Variants in PHLDB3 observed in about 807,000 individuals in gnomAD.
The protein encoded by PHLDB3 is pleckstrin homology-like domain family B member 3.
PHLDB3 carries 86 observed loss-of-function variants against 85.7 expected under a neutral mutation model. The observed-to-expected ratio is 1.00, with a 90% confidence interval of 0.84 to 1.20. The LOEUF is 1.20. Ranked by LOEUF, PHLDB3 falls within the 50% of genes most tolerant of loss-of-function variation. The probability of loss-of-function intolerance (pLI) is 0.00; values close to 1 mark genes in which losing one functional copy is unlikely to be tolerated. For synonymous variants in PHLDB3, 376 were observed against 349.8 expected (o/e 1.07, Z -0.83); for missense variants, 995 against 873.0 (o/e 1.14, Z -1.76).
chr19:43,475,851 A>C (rs1337308344), intron 15 of PHLDB3, among the ~76,000 whole-genome samples: 1 of 151,872 alleles, frequency 6.6e-6, no homozygotes, highest in Non-Finnish European at 1.5e-5. Flanking sequence ...GCTGGAGTGC[A>C]GTGGCGCAAT....
In PHLDB3 at chr19:43,475,381, G is replaced by GGGAC; in HGVS notation, c.*25_*28dup. 1.2e-6 allele frequency: 2 copies of GGGAC among 1,608,808 alleles called. No individual in the cohort carries two copies. The highest frequency in any genetic ancestry group is 2.2e-5 in the South Asian group (2 of 90,890). ...CGCCCCGCGCCGGCGGAGCCTCGAAGGGACTTCCCCCCAAGAGGGCGGGGC... is the reference window on the plus strand; with the variant it reads ...CGCCCCGCGCCGGCGGAGCCTCGAAGGGACGGACTTCCCCCCAAGAGGGCGGGGC... On this transcript the variant is annotated 3_prime_UTR_variant, in exon 16 of 16. Coordinates refer to ENST00000292140, the MANE Select transcript of PHLDB3 (RefSeq NM_198850.4).
chr19:43,487,764 G>A (rs965734364), intron 9 of PHLDB3, among the ~76,000 whole-genome samples: 3 of 151,976 alleles, frequency 2.0e-5, no homozygotes, highest in East Asian at 1.9e-4. Flanking sequence ...TAATGTTTGC[G>A]CAACGTTGAA....
chr19:43,481,262 A>AC (rs1193908773), intron 13 of PHLDB3, among the ~76,000 whole-genome samples: 3 of 152,138 alleles, frequency 2.0e-5, no homozygotes, highest in Non-Finnish European at 2.9e-5. Flanking sequence ...GGGGAGGATC[A>AC]CTTAAACCCA....
At chr19:43,482,959 T>G (rs894251438) in intron 13 of PHLDB3, among the ~76,000 whole-genome samples, 37 of 152,214 alleles carry the variant, frequency 2.4e-4, no homozygotes, top group Admixed American at 1.3e-4. Flanking sequence ...ATTTTACATA[T>G]TGATGTTGCT....
intron 9 of PHLDB3, among the ~76,000 whole-genome samples, chr19:43,490,416 C>G (rs1309008929): frequency 6.6e-6 from 1 of 151,690 alleles, no homozygotes; most frequent in Non-Finnish European, 1.5e-5. Context: ...CAAAAATTAG[C>G]CTGGCGCATG....
At chr19:43,476,658 A>G (rs1418026845) in intron 15 of PHLDB3, among the ~76,000 whole-genome samples, 2 of 152,060 alleles carry the variant, frequency 1.3e-5, no homozygotes, top group African/African-American at 4.8e-5. Context: ...GCAAGAAAAA[A>G]AAAAAGAAAA....
rs1248570317 is a variant in PHLDB3, at chr19:43,500,909, A to ACCCCCCCCCCCCCCCCCCCCC, written c.534+824_534+825insGGGGGGGGGGGGGGGGGGGGG. On this transcript the variant is annotated intron_variant, in intron 4 of 15. Transcript: ENST00000292140. ...CCTCCCACTTTGCCCCGCCCCCCGT[A>ACCCCCCCCCCCCCCCCCCCCC]CCCCCCCCCCACCCCGCAAGTACTG... Among the ~76,000 whole-genome samples the ACCCCCCCCCCCCCCCCCCCCC allele has an allele frequency of 7.6e-4, 13 of 17,150 alleles. 1 individual carries two copies. Among genetic ancestry groups the ACCCCCCCCCCCCCCCCCCCCC allele is most frequent in the Admixed American group, 1.2e-3 (2 of 1,632 alleles). The allele number at this position is 17,150 out of a possible 152,430, so 11.3% of individuals were successfully genotyped here. A position where few individuals can be genotyped will look rare whatever the true frequency, so the allele number is the denominator to read the frequency against.
Position 43,475,378 on chromosome 19 carries a change from GA to G in PHLDB3, c.*31del, listed in dbSNP as rs761295443. ...CCGCGCCCCGCGCCGGCGGAGCCTCGAAGGGACTTCCCCCCAAGAGGGCGGG... is the reference window on the plus strand; with the variant it reads ...CCGCGCCCCGCGCCGGCGGAGCCTCGAGGGACTTCCCCCCAAGAGGGCGGG... On this transcript the variant is annotated 3_prime_UTR_variant, in exon 16 of 16. Transcript: ENST00000292140. The G allele has an allele frequency of 6.2e-7, 1 of 1,606,002 alleles. No homozygotes were observed. Among genetic ancestry groups the G allele is most frequent in the South Asian group, 1.1e-5 (1 of 90,620 alleles).
At chr19:43,501,697 G>C (rs1217583899) in intron 4 of PHLDB3, 37 bp downstream of exon 4, 1 of 1,572,280 alleles carries the variant, frequency 6.4e-7, no homozygotes, top group African/African-American at 1.3e-5. Context: ...GGACCAGGAA[G>C]GACACTGCTG....
At position 43,495,415 on chromosome 19, in the gene PHLDB3, C is replaced by T. The variant is rs1264375698; in HGVS notation, c.952-76G>A. On this transcript the variant is annotated intron_variant, in intron 7 of 15. Transcript: ENST00000292140. ...AGCTGCTTTCCCTAATGTCAGGAGA[C>T]ATCTGGGGTGCAGGGAGGTGGTGGG... The T allele has an allele frequency of 3.1e-6, 5 of 1,598,960 alleles. No individual in the cohort carries two copies. The Admixed American group carries it at 7.0e-5, about 22-fold the overall frequency.
chr19:43,496,951 A>G, intron 6 of PHLDB3, 167 bp downstream of exon 6: 1 of 1,020,704 alleles, frequency 9.8e-7, no homozygotes, highest in African/African-American at 1.7e-5. Flanking sequence ...TGAAATATTC[A>G]GGACCATATC....
At chr19:43,497,996 G>A in intron 4 of PHLDB3, 120 bp from the exon 5 acceptor site, 1 of 1,410,486 alleles carries the variant, frequency 7.1e-7, no homozygotes, top group African/African-American at 1.4e-5. Context: ...TCATCTATGT[G>A]ATTCACTCCT....
Position 43,487,055 on chromosome 19 carries a change from T to A in PHLDB3, c.1218A>T (p.Gly406=). The part of the protein sequence containing the change: ...RKRGERGSQR[G]SPRPLSFHCT... Reference sequence around the variant, plus strand: ...AATGGAAGGACAGAGGTCGGGGGGATCCTCTCTGGCTCCCCCTCTCCCCCC... The same window carrying A: ...AATGGAAGGACAGAGGTCGGGGGGAACCTCTCTGGCTCCCCCTCTCCCCCC... Residue 406 remains glycine, a synonymous_variant, in exon 10 of 16, where the codon GGA becomes GGT. Coordinates refer to ENST00000292140, the MANE Select transcript of PHLDB3 (RefSeq NM_198850.4). 1 of 1,576,800 alleles carries A rather than the reference T, an allele frequency of 6.3e-7. No homozygotes were observed. Among genetic ancestry groups the A allele is most frequent in the African/African-American group, 1.4e-5 (1 of 74,030 alleles).
In PHLDB3 at chr19:43,502,225, C is replaced by A; in HGVS notation, c.272G>T (p.Arg91Leu). The stretch of plus-strand genomic sequence containing the variant: ...CCGCGCCGCCCCTCGCACCCCTTCC[C>A]GCGAAGAGGTGGATGCGGGAGGTGT... ...AATPPASTSSREGVRGAARRL... is the reference protein window; with the variant it reads ...AATPPASTSSLEGVRGAARRL... Residue 91 changes from arginine to leucine, a missense_variant, in exon 3 of 16, where the codon CGG becomes CTG. Arg to Leu is a moderately radical substitution (Grantham distance 102). Transcript: ENST00000292140. 6.4e-7 allele frequency: 1 copy of A among 1,563,856 alleles called. No individual in the cohort carries two copies. The highest frequency in any genetic ancestry group is 8.7e-7 in the Non-Finnish European group (1 of 1,155,392).
At chr19:43,495,794 G>C in intron 6 of PHLDB3, 174 bp from the exon 7 acceptor site, 3 of 861,582 alleles carry the variant, frequency 3.5e-6, no homozygotes, top group Non-Finnish European at 5.2e-6. Context: ...CTTCCCTTTT[G>C]AGGGTCCAGA....
At chr19:43,478,468 T>C (rs1053562883) in intron 14 of PHLDB3, among the ~76,000 whole-genome samples, 1 of 152,086 alleles carries the variant, frequency 6.6e-6, no homozygotes, top group African/African-American at 2.4e-5. Flanking sequence ...GAGGGGTAAG[T>C]ACATTTATCT....
At chr19:43,491,084 C>G (rs1209899431) in intron 9 of PHLDB3, among the ~76,000 whole-genome samples, 1 of 152,094 alleles carries the variant, frequency 6.6e-6, no homozygotes, top group Non-Finnish European at 1.5e-5. Flanking sequence ...GCACAGGGGC[C>G]AACAAGTCAG....
At chr19:43,497,694 G>C (rs763738686) in intron 5 of PHLDB3, 54 bp downstream of exon 5, 1 of 1,520,380 alleles carries the variant, frequency 6.6e-7, no homozygotes, top group African/African-American at 1.4e-5. Context: ...CCTGGGCAAC[G>C]AGGCGAGACT....
At position 43,478,067 on chromosome 19, in the gene PHLDB3, G is replaced by A; in HGVS notation, c.1768C>T (p.His590Tyr). ...TTCACCTTGAAGGCACAGCGTAAGT[G>A]GTCATAATAGACTTCCTCAATGGCC... ...FQAIEEVYYD[H>Y]LRCAFKSPNP... Residue 590 changes from histidine (H) to tyrosine (Y), a missense_variant, in exon 15 of 16, where the codon CAC becomes TAC. Coordinates refer to ENST00000292140, the MANE Select transcript of PHLDB3 (RefSeq NM_198850.4). The A allele has an allele frequency of 6.2e-7, 1 of 1,613,250 alleles. No individual in the cohort carries two copies. The highest frequency in any genetic ancestry group is 8.5e-7 in the Non-Finnish European group (1 of 1,179,296).
Sources: gnomAD v4.1 joint callset for allele counts (sites outside exome capture counted in the v4.1 genomes callset) on GRCh38, gnomAD v4.1.1 for gene constraint, MANE v1.5 for transcripts, NCBI Gene and HGNC (gene_info 2026-07-23, HGNC 2026-07-21) for gene names.